The following SAMD4A variants were observed in gnomAD, a reference collection of about 807,000 sequenced individuals.
SAMD4A encodes protein Smaug homolog 1.
SAMD4A carries 33 observed loss-of-function variants against 81.3 expected under a neutral mutation model. That is an observed-to-expected ratio of 0.41 (90% CI 0.31 to 0.54). The LOEUF is 0.54. Among genes scored for constraint, SAMD4A ranks in the 20% least tolerant of loss-of-function variants. SAMD4A has a pLI of 0.37. For missense variants in SAMD4A, 854 were observed against 951.1 expected, an observed-to-expected ratio of 0.90 and a Z score of 1.34; for synonymous variants, 389 against 382.1, an observed-to-expected ratio of 1.02 and a Z score of -0.21.
intron 3 of SAMD4A, among the ~76,000 whole-genome samples, chr14:54,714,931 C>G (rs1354799947): frequency 1.3e-5 from 2 of 151,988 alleles, no homozygotes; most frequent in Non-Finnish European, 2.9e-5. Flanking sequence ...AAGGATTGTT[C>G]TAGTGATATA....
chr14:54,750,942 G>C (rs2038086971), intron 5 of SAMD4A, among the ~76,000 whole-genome samples: 2 of 152,312 alleles, frequency 1.3e-5, no homozygotes, highest in South Asian at 4.1e-4. Context: ...AAAGACACGG[G>C]CAAATATGTA....
At chr14:54,654,470 A>C (rs1179092397) in intron 2 of SAMD4A, among the ~76,000 whole-genome samples, 1 of 152,192 alleles carries the variant, frequency 6.6e-6, no homozygotes, top group East Asian at 1.9e-4. Context: ...CGGTGACCCC[A>C]CACTAGGATT....
intron 4 of SAMD4A, among the ~76,000 whole-genome samples, chr14:54,739,939 G>A (rs1261854855): frequency 6.6e-6 from 1 of 152,230 alleles, no homozygotes; most frequent in Non-Finnish European, 1.5e-5. Flanking sequence ...GAAGGCTGAG[G>A]CAGGCAGATT....
chr14:54,605,781 C>T (rs937613073), intron 2 of SAMD4A, among the ~76,000 whole-genome samples: 3 of 151,560 alleles, frequency 2.0e-5, no homozygotes, highest in Middle Eastern at 3.2e-3. Flanking sequence ...AACATTGGGG[C>T]ATTAAACATG....
chr14:54,770,376 G>C (rs1463084503), intron 9 of SAMD4A, among the ~76,000 whole-genome samples, 154 bp downstream of exon 9: 1 of 152,202 alleles, frequency 6.6e-6, no homozygotes, highest in African/African-American at 2.4e-5. Flanking sequence ...TAAACAGGTG[G>C]GGCTGGGAAA....
chr14:54,590,937 T>C (rs1034669560), intron 2 of SAMD4A, among the ~76,000 whole-genome samples: 1 of 152,340 alleles, frequency 6.6e-6, no homozygotes, highest in South Asian at 2.1e-4. Context: ...AGCTGCATCA[T>C]AGAGGAATTT....
chr14:54,618,849 A>G (rs1039754864), intron 2 of SAMD4A, among the ~76,000 whole-genome samples: 1 of 152,226 alleles, frequency 6.6e-6, no homozygotes, highest in Non-Finnish European at 1.5e-5. Context: ...TTGGGCAGGA[A>G]AGAAAAATGT....
At chr14:54,586,680 G>T (rs1020035767) in intron 2 of SAMD4A, among the ~76,000 whole-genome samples, 1 of 152,082 alleles carries the variant, frequency 6.6e-6, no homozygotes, top group Non-Finnish European at 1.5e-5. Flanking sequence ...TGTTGAATAG[G>T]GTGTCCTTTT....
chr14:54,637,323 T>G (rs1315510439), intron 2 of SAMD4A, among the ~76,000 whole-genome samples: 2 of 132,026 alleles, frequency 1.5e-5, no homozygotes, highest in East Asian at 4.7e-4. Flanking sequence ...TGAGACTGCG[T>G]CATTGCACTC....
At chr14:54,768,074 T>A (rs1231993556) in intron 8 of SAMD4A, among the ~76,000 whole-genome samples, 1 of 152,216 alleles carries the variant, frequency 6.6e-6, no homozygotes, top group Non-Finnish European at 1.5e-5. Flanking sequence ...ATCCATGAAA[T>A]GAGCCCTTTA....
intron 2 of SAMD4A, among the ~76,000 whole-genome samples, chr14:54,641,169 G>A (rs1320532810): frequency 6.6e-6 from 1 of 152,132 alleles, no homozygotes; most frequent in East Asian, 1.9e-4. Context: ...CTGTAAAATG[G>A]GGATAATGGT....
chr14:54,729,054 C>T (rs977474173), intron 3 of SAMD4A, among the ~76,000 whole-genome samples: 4 of 152,216 alleles, frequency 2.6e-5, no homozygotes, highest in East Asian at 3.8e-4. Context: ...TGACTCACTG[C>T]TCTTCTTGAC....
chr14:54,689,877 T>C (rs2140652872), intron 2 of SAMD4A: 1 of 152,354 alleles, frequency 6.6e-6, no homozygotes, highest in South Asian at 2.1e-4. Context: ...GCTGGGGACA[T>C]CATCTGTGAA....
rs1428768429 is a variant in SAMD4A, at chr14:54,791,881, A to G, written c.*2937A>G. The stretch of plus-strand genomic sequence containing the variant: ...TTGTATTTACCCATTGACCCCCACC[A>G]AATGCAACTGTTTTATATTAAGAAA... On this transcript the variant is annotated 3_prime_UTR_variant, in exon 13 of 13. Transcript: ENST00000554335. 1 of 152,224 alleles carries G rather than the reference A, an allele frequency of 6.6e-6. No homozygotes were observed. The highest frequency in any genetic ancestry group is 1.5e-5 in the Non-Finnish European group (1 of 68,042). The allele number at this position is 152,224 out of a possible 1,614,324, so 9.4% of individuals were successfully genotyped here. A position where few individuals can be genotyped will look rare whatever the true frequency, so the allele number is the denominator to read the frequency against.
intron 2 of SAMD4A, among the ~76,000 whole-genome samples, chr14:54,680,305 A>G (rs1426970698): frequency 2.0e-5 from 3 of 152,238 alleles, no homozygotes; most frequent in Non-Finnish European, 4.4e-5. Context: ...AAAACAACCC[A>G]TGGTGAATTG....
At chr14:54,581,376 C>T (rs150938182) in intron 2 of SAMD4A, among the ~76,000 whole-genome samples, 1 of 152,344 alleles carries the variant, frequency 6.6e-6, no homozygotes, top group African/African-American at 2.4e-5. Context: ...GAAATAAACA[C>T]ATGGTTCTCT....
In SAMD4A at chr14:54,724,497, C is replaced by T. The variant is rs186225070; in HGVS notation, c.716-12527C>T. 2.5e-3 allele frequency among the ~76,000 whole-genome samples: 378 copies of T among 152,282 alleles called. 1 individual carries two copies. Among genetic ancestry groups the T allele is most frequent in the Non-Finnish European group, 4.8e-3 (326 of 68,028 alleles). On this transcript the variant is annotated intron_variant, in intron 3 of 12. Coordinates refer to ENST00000554335, the MANE Select transcript of SAMD4A (RefSeq NM_015589.6). ...TTTAGCCAAGAAGCCGACACATAGT[C>T]GGCACTGTCAAATGGTAGCTGATGA...
chr14:54,608,425 G>C (rs987857863), intron 2 of SAMD4A, among the ~76,000 whole-genome samples: 5 of 152,212 alleles, frequency 3.3e-5, no homozygotes, highest in Non-Finnish European at 7.3e-5. Flanking sequence ...AAAGATTCCT[G>C]TTGCATATAT....
intron 2 of SAMD4A, among the ~76,000 whole-genome samples, chr14:54,663,548 T>A (rs952956796): frequency 6.6e-6 from 1 of 152,210 alleles, no homozygotes; most frequent in African/African-American, 2.4e-5. Flanking sequence ...ACTACTTTTT[T>A]TTCTGTCCTA....
Sources: gnomAD v4.1 joint callset for allele counts (sites outside exome capture counted in the v4.1 genomes callset) on GRCh38, gnomAD v4.1.1 for gene constraint, MANE v1.5 for transcripts, NCBI Gene and HGNC (gene_info 2026-07-23, HGNC 2026-07-21) for gene names.